NOS1: variants seen among roughly 807,000 people sequenced by gnomAD.
NOS1 encodes nitric oxide synthase 1, also known as NOS type I.
Under a neutral mutation model 164.5 loss-of-function variants are expected in NOS1, and 51 were observed. The ratio of observed to expected loss-of-function variants is 0.31; its 90% CI spans 0.25 to 0.39. The LOEUF (loss-of-function observed/expected upper bound fraction) is 0.39, where lower values mean the gene tolerates loss of function less well. Among genes scored for constraint, NOS1 ranks in the 10% least tolerant of loss-of-function variants. The probability of loss-of-function intolerance (pLI) is 1.00; values close to 1 mark genes in which losing one functional copy is unlikely to be tolerated. For missense variants in NOS1, 1,362 were observed against 1,885.6 expected (o/e 0.72, Z 5.14); for synonymous variants, 719 against 745.8 (o/e 0.96, Z 0.59).
intron 2 of NOS1, among the ~76,000 whole-genome samples, chr12:117,315,656 G>A (rs888380616): frequency 3.3e-5 from 5 of 152,178 alleles, no homozygotes; most frequent in African/African-American, 1.2e-4. Context: ...TGTTTGCTGG[G>A]GTTGCAGGAG....
chr12:117,355,460 T>C (rs911233895), intron 1 of NOS1, among the ~76,000 whole-genome samples: 3 of 152,080 alleles, frequency 2.0e-5, no homozygotes, highest in Non-Finnish European at 4.4e-5. Context: ...TAAACTAAAA[T>C]GCCTCGAAGG....
intron 2 of NOS1, among the ~76,000 whole-genome samples, chr12:117,315,058 G>A (rs1223853673): frequency 1.3e-5 from 2 of 152,300 alleles, no homozygotes; most frequent in East Asian, 3.9e-4. Context: ...TTCATCTTAT[G>A]TGAATTTGAA....
chr12:117,317,771 A>G (rs772178265), intron 2 of NOS1, among the ~76,000 whole-genome samples: 1 of 151,996 alleles, frequency 6.6e-6, no homozygotes, highest in Non-Finnish European at 1.5e-5. Context: ...CCATCCCCCA[A>G]TGAGCTTGGC....
intron 22 of NOS1, among the ~76,000 whole-genome samples, chr12:117,231,300 AGAGT>A (rs1869200757): frequency 6.6e-6 from 1 of 151,752 alleles, no homozygotes; most frequent in Non-Finnish European, 1.5e-5. Context: ...CCTGGGCTAG[AGAGT>A]GAGACTCTGT....
At chr12:117,328,214 A>C (rs1377437581) in intron 2 of NOS1, among the ~76,000 whole-genome samples, 1 of 152,024 alleles carries the variant, frequency 6.6e-6, no homozygotes, top group Non-Finnish European at 1.5e-5. Flanking sequence ...TCTGTGGTCC[A>C]GGCTGGAGTG....
intron 15 of NOS1, 131 bp downstream of exon 15, chr12:117,258,895 G>A (rs1871671408): frequency 4.7e-6 from 3 of 636,006 alleles, no homozygotes; most frequent in South Asian, 4.0e-5. Context: ...GGATCCAAAT[G>A]GAAATTACTG....
At chr12:117,254,910 C>G (rs187342726) in intron 16 of NOS1, among the ~76,000 whole-genome samples, 6 of 152,152 alleles carry the variant, frequency 3.9e-5, no homozygotes, top group African/African-American at 1.4e-4. Context: ...AGGGCTCTAT[C>G]AAATTTCACA....
At chr12:117,232,900 C>T (rs753842552) in intron 21 of NOS1, among the ~76,000 whole-genome samples, 6 of 151,970 alleles carry the variant, frequency 3.9e-5, no homozygotes, top group East Asian at 3.9e-4. Flanking sequence ...GACAGGGTCT[C>T]ACTCTGTTGC....
intron 11 of NOS1, 29 bp from the exon 12 acceptor site, chr12:117,265,539 G>T: frequency 6.9e-7 from 1 of 1,439,768 alleles, no homozygotes. Context: ...CAGGGGTCAG[G>T]AGGTATGAGA....
intron 1 of NOS1, among the ~76,000 whole-genome samples, chr12:117,358,178 C>T (rs933521409): frequency 6.6e-6 from 1 of 152,340 alleles, no homozygotes; most frequent in African/African-American, 2.4e-5. Flanking sequence ...AATATGCAGG[C>T]GAATTGACCT....
intron 2 of NOS1, among the ~76,000 whole-genome samples, chr12:117,329,934 G>A (rs1277474937): frequency 6.6e-6 from 1 of 152,112 alleles, no homozygotes; most frequent in Non-Finnish European, 1.5e-5. Flanking sequence ...ACACCCCAGG[G>A]TGCCACGCAC....
intron 20 of NOS1, among the ~76,000 whole-genome samples, chr12:117,235,488 C>G (rs553392761): frequency 2.0e-5 from 3 of 152,268 alleles, no homozygotes; most frequent in East Asian, 1.9e-4. Flanking sequence ...AGCCCCACCC[C>G]CTTTGGCAAC....
At chr12:117,240,920 G>A (rs1870112947) in intron 20 of NOS1, among the ~76,000 whole-genome samples, 1 of 150,668 alleles carries the variant, frequency 6.6e-6, no homozygotes, top group East Asian at 2.0e-4. Flanking sequence ...CTCTCTCCTT[G>A]TATAAGTAAT....
At chr12:117,357,459 G>A (rs1331422631) in intron 1 of NOS1, among the ~76,000 whole-genome samples, 2 of 152,218 alleles carry the variant, frequency 1.3e-5, no homozygotes, top group Non-Finnish European at 2.9e-5. Flanking sequence ...GGCTTGTACT[G>A]AAGGAAACAT....
chr12:117,253,970 A>T (rs1052615538), intron 16 of NOS1, among the ~76,000 whole-genome samples: 5 of 152,182 alleles, frequency 3.3e-5, no homozygotes, highest in African/African-American at 1.2e-4. Flanking sequence ...CTTAACTGGT[A>T]CTAAAAAGGT....
At position 117,212,688 on chromosome 12, in the gene NOS1, C is replaced by A; in HGVS notation, c.*2621G>T. On this transcript the variant is annotated 3_prime_UTR_variant, in exon 29 of 29. Coordinates refer to ENST00000317775, the MANE Select transcript of NOS1 (RefSeq NM_000620.5). ...GAATAACCCCCAAATATCTTGTCAA[C>A]CCTATTTTGCTTACCCATTGCTTAA... The A allele has an allele frequency of 1.0e-6, 1 of 985,400 alleles. No homozygotes were observed. Among genetic ancestry groups the A allele is most frequent in the Middle Eastern group, 5.2e-4 (1 of 1,914 alleles). 61.0% of individuals were successfully genotyped at this position (985,400 alleles called of 1,614,324 possible).
rs1956533292 is a variant in NOS1 at position 117,211,872 on chromosome 12, C to T, written c.*3437G>A. On this transcript the variant is annotated 3_prime_UTR_variant, in exon 29 of 29. Coordinates refer to ENST00000317775, the MANE Select transcript of NOS1 (RefSeq NM_000620.5). ...TTGAGGTCAGGAATTCAAGACCAGC[C>T]TGGCCAACATGGTGAAACCCTGACT... 1.1e-6 allele frequency: 1 copy of T among 887,878 alleles called. No individual in the cohort carries two copies. The highest frequency in any genetic ancestry group is 1.8e-5 in the African/African-American group (1 of 55,206). 55.0% of individuals were successfully genotyped at this position (887,878 alleles called of 1,614,324 possible).
At chr12:117,221,702 C>A (rs569828764) in intron 26 of NOS1, among the ~76,000 whole-genome samples, 3 of 151,890 alleles carry the variant, frequency 2.0e-5, no homozygotes, top group Admixed American at 2.0e-4. Flanking sequence ...GGCATGATCA[C>A]AGCTCACTGA....
intron 3 of NOS1, among the ~76,000 whole-genome samples, chr12:117,291,529 C>CA (rs1873057759): frequency 1.0e-5 from 1 of 97,376 alleles, no homozygotes. Context: ...TTACATCTGT[C>CA]TTTTTTTTTT....
Sources: gnomAD v4.1 joint callset for allele counts (sites outside exome capture counted in the v4.1 genomes callset) on GRCh38, gnomAD v4.1.1 for gene constraint, MANE v1.5 for transcripts, NCBI Gene and HGNC (gene_info 2026-07-23, HGNC 2026-07-21) for gene names.